JARID2: variants seen among roughly 807,000 people sequenced by gnomAD.
JARID2 encodes jumonji and AT-rich interaction domain containing 2.
JARID2 carries 21 observed loss-of-function variants against 125.6 expected under a neutral mutation model. The observed-to-expected ratio is 0.17, with a 90% CI of 0.12 to 0.24. The LOEUF is 0.24. Among genes scored for constraint, JARID2 ranks in the 10% least tolerant of loss-of-function variants. The pLI is 1.00. For missense variants in JARID2, 1,303 were observed against 1,639.6 expected, an observed-to-expected ratio of 0.79 and a Z score of 3.55; for synonymous variants, 736 against 661.6, an observed-to-expected ratio of 1.11 and a Z score of -1.73.
In JARID2 at chr6:15,287,127, C is replaced by CA. The variant is rs10714991; in HGVS notation, c.45+40552dup. 1.5e-4 allele frequency among the ~76,000 whole-genome samples: 23 copies of CA among 151,268 alleles called. No homozygotes were observed. In the East Asian group the frequency reaches 2.7e-3, roughly 18 times the overall value. On this transcript the variant is annotated intron_variant, in intron 1 of 17. Transcript: ENST00000341776. Reference sequence around the variant, plus strand: ...GGCAACAAGAGTGAAACTCTCATCTCAAAAAAAAAGAAAACACAAACAAAC... The same window carrying CA: ...GGCAACAAGAGTGAAACTCTCATCTCAAAAAAAAAAGAAAACACAAACAAAC...
chr6:15,390,067 A>G (rs1764940351), intron 2 of JARID2, among the ~76,000 whole-genome samples: 1 of 152,148 alleles, frequency 6.6e-6, no homozygotes, highest in Non-Finnish European at 1.5e-5. Flanking sequence ...CCTTCTAAGG[A>G]AAGTCCACTT....
intron 1 of JARID2, among the ~76,000 whole-genome samples, chr6:15,272,959 C>T (rs1425417335): frequency 6.6e-6 from 1 of 152,164 alleles, no homozygotes; most frequent in African/African-American, 2.4e-5. Flanking sequence ...AATTAGCAAT[C>T]TTAATGATTT....
intron 1 of JARID2, among the ~76,000 whole-genome samples, chr6:15,350,219 A>C (rs1763376950): frequency 6.6e-6 from 1 of 152,210 alleles, no homozygotes; most frequent in Non-Finnish European, 1.5e-5. Flanking sequence ...GAAAGGTCTA[A>C]GGGTGAAGTC....
rs374882206 is a variant in JARID2 at position 15,415,584 on chromosome 6, CG to C, written c.323+5222del. ...TCACCTCCCGGACGGGGCTGCTGGC[CG>C]GGCGGGGGGCTGACCCCTCCACCTC... On this transcript the variant is annotated intron_variant, in intron 3 of 17. Coordinates refer to ENST00000341776, the MANE Select transcript of JARID2 (RefSeq NM_004973.4). Among the ~76,000 whole-genome samples, 76 of 144,670 alleles carry C rather than the reference CG, an allele frequency of 5.3e-4. 1 individual carries two copies. The East Asian group carries it at 0.015, about 29-fold the overall frequency. The allele number at this position is 144,670 out of a possible 152,430, so 94.9% of individuals were successfully genotyped here.
At chr6:15,264,886 A>G (rs1459796553) in intron 1 of JARID2, among the ~76,000 whole-genome samples, 1 of 152,204 alleles carries the variant, frequency 6.6e-6, no homozygotes, top group Non-Finnish European at 1.5e-5. Flanking sequence ...ATATTTCCCA[A>G]TAATGCCTAG....
chr6:15,317,829 A>T (rs149889838), intron 1 of JARID2, among the ~76,000 whole-genome samples: 1 of 152,074 alleles, frequency 6.6e-6, no homozygotes, highest in Admixed American at 6.5e-5. Flanking sequence ...TGGAGAGCCG[A>T]TCCCTCCAGG....
intron 2 of JARID2, chr6:15,401,062 G>T (rs1353768085): frequency 1.6e-6 from 2 of 1,289,132 alleles, no homozygotes; most frequent in African/African-American, 3.0e-5. Context: ...CTCTAGATTT[G>T]TTTCAGGCTG....
chr6:15,461,297 A>G (rs1193285283), intron 4 of JARID2, among the ~76,000 whole-genome samples: 1 of 152,218 alleles, frequency 6.6e-6, no homozygotes, highest in Non-Finnish European at 1.5e-5. Flanking sequence ...TATGATAACC[A>G]TTGTATTCTC....
chr6:15,361,753 A>G (rs1322478709), intron 1 of JARID2, among the ~76,000 whole-genome samples: 2 of 152,162 alleles, frequency 1.3e-5, no homozygotes, highest in African/African-American at 4.8e-5. Context: ...ATTCTGCATA[A>G]AGGAAGAAAT....
intron 1 of JARID2, among the ~76,000 whole-genome samples, chr6:15,296,485 A>G (rs1293081866): frequency 1.3e-5 from 2 of 152,126 alleles, no homozygotes; most frequent in African/African-American, 4.8e-5. Flanking sequence ...GATTTTCCCA[A>G]ATGTTAACCA....
chr6:15,247,737 G>A (rs1759240050), intron 1 of JARID2: 1 of 985,222 alleles, frequency 1.0e-6, no homozygotes, highest in African/African-American at 1.7e-5. Flanking sequence ...CTCTTCAAGA[G>A]AGCTGATCCT....
intron 2 of JARID2, among the ~76,000 whole-genome samples, chr6:15,379,407 C>A (rs1246033057): frequency 6.6e-6 from 1 of 152,178 alleles, no homozygotes; most frequent in Admixed American, 6.5e-5. Flanking sequence ...GAGGCTGAGA[C>A]CTTGGCCACT....
intron 1 of JARID2, among the ~76,000 whole-genome samples, chr6:15,308,840 G>T (rs761325281): frequency 3.3e-5 from 5 of 152,184 alleles, no homozygotes; most frequent in Non-Finnish European, 7.3e-5. Flanking sequence ...CAGTAAATAG[G>T]CTGTGTGCTT....
intron 2 of JARID2, among the ~76,000 whole-genome samples, chr6:15,382,131 C>T (rs762595457): frequency 1.3e-5 from 2 of 152,156 alleles, no homozygotes; most frequent in African/African-American, 4.8e-5. Flanking sequence ...GTCATGGTGG[C>T]GCACGCCTGT....
At chr6:15,416,035 C>T (rs1766183231) in intron 3 of JARID2, among the ~76,000 whole-genome samples, 1 of 151,590 alleles carries the variant, frequency 6.6e-6, no homozygotes, top group Non-Finnish European at 1.5e-5. Context: ...AGAGGCGCTC[C>T]TCACATCCCA....
chr6:15,322,571 G>T (rs1197737122), intron 1 of JARID2, among the ~76,000 whole-genome samples: 1 of 152,146 alleles, frequency 6.6e-6, no homozygotes, highest in Non-Finnish European at 1.5e-5. Context: ...GAGTTTTAAT[G>T]ACATGAGAAA....
At chr6:15,297,710 T>C (rs1216646132) in intron 1 of JARID2, among the ~76,000 whole-genome samples, 1 of 152,126 alleles carries the variant, frequency 6.6e-6, no homozygotes, top group East Asian at 1.9e-4. Flanking sequence ...CATCCTTTCC[T>C]TTACAGGATC....
chr6:15,436,786 C>T (rs1316028945), intron 3 of JARID2, among the ~76,000 whole-genome samples: 1 of 151,862 alleles, frequency 6.6e-6, no homozygotes. Context: ...GTGGTGTGGA[C>T]TCCTGCTTGG....
At chr6:15,375,774 T>A (rs1246799452) in intron 2 of JARID2, among the ~76,000 whole-genome samples, 6 of 152,124 alleles carry the variant, frequency 3.9e-5, no homozygotes, top group Admixed American at 1.3e-4. Flanking sequence ...ATCCTAGAGT[T>A]TAGAGTGGAG....
Sources: gnomAD v4.1 joint callset for allele counts (sites outside exome capture counted in the v4.1 genomes callset) on GRCh38, gnomAD v4.1.1 for gene constraint, MANE v1.5 for transcripts, NCBI Gene and HGNC (gene_info 2026-07-23, HGNC 2026-07-21) for gene names.